SRBD1: variants seen among roughly 807,000 people sequenced by gnomAD.
SRBD1 encodes the protein S1 RNA-binding domain-containing protein 1.
SRBD1 carries 88 observed loss-of-function variants against 115.3 expected under a neutral mutation model. The ratio of observed to expected loss-of-function variants is 0.76; its 90% confidence interval spans 0.64 to 0.91. The LOEUF is 0.91. Among genes scored for constraint, SRBD1 ranks in the 40% least tolerant of loss-of-function variants. The probability of loss-of-function intolerance (pLI) is 0.00; values close to 1 mark genes in which losing one functional copy is unlikely to be tolerated. For missense variants in SRBD1, 1,385 were observed against 1,177.4 expected (o/e 1.18, Z -2.58); for synonymous variants, 509 against 407.7 (o/e 1.25, Z -2.99).
At chr2:45,516,296 G>A (rs190117855) in intron 14 of SRBD1, among the ~76,000 whole-genome samples, 1 of 152,190 alleles carries the variant, frequency 6.6e-6, no homozygotes, top group African/African-American at 2.4e-5. Flanking sequence ...ATAAGCAGCA[G>A]CTGGAGCTGT....
At chr2:45,392,008 T>C (rs1295508347) in intron 20 of SRBD1, among the ~76,000 whole-genome samples, 2 of 152,096 alleles carry the variant, frequency 1.3e-5, no homozygotes, top group East Asian at 3.9e-4. Flanking sequence ...GGCCTCCAAA[T>C]GGAGATGGAT....
intron 16 of SRBD1, among the ~76,000 whole-genome samples, chr2:45,467,960 CAA>C (rs531442975): frequency 7.8e-4 from 119 of 152,150 alleles, no homozygotes; most frequent in African/African-American, 2.8e-3. Context: ...AAATATTTAA[CAA>C]AAGTTACAGA....
chr2:45,460,746 C>G (rs901874834), intron 16 of SRBD1, among the ~76,000 whole-genome samples: 1 of 152,166 alleles, frequency 6.6e-6, no homozygotes, highest in East Asian at 1.9e-4. Context: ...TACATAGTAT[C>G]AAAGATAACT....
intron 14 of SRBD1, among the ~76,000 whole-genome samples, chr2:45,538,291 G>A (rs1248296371): frequency 6.6e-6 from 1 of 152,152 alleles, no homozygotes; most frequent in Non-Finnish European, 1.5e-5. Context: ...GAATGCAACT[G>A]GTCCCACTTC....
At chr2:45,611,043 T>C (rs1282205540) in intron 1 of SRBD1, among the ~76,000 whole-genome samples, 176 bp downstream of exon 1, 1 of 152,052 alleles carries the variant, frequency 6.6e-6, no homozygotes, top group Non-Finnish European at 1.5e-5. Context: ...TTTCGGGTGG[T>C]CGGTTGTGAG....
At chr2:45,450,399 T>G (rs13032444) in intron 16 of SRBD1, among the ~76,000 whole-genome samples, 1 of 152,096 alleles carries the variant, frequency 6.6e-6, no homozygotes, top group African/African-American at 2.4e-5. Flanking sequence ...TATATTTGTA[T>G]AGTACCAAAT....
intron 4 of SRBD1, among the ~76,000 whole-genome samples, chr2:45,594,186 G>GTGT (rs1673817968): frequency 6.6e-6 from 1 of 152,094 alleles, no homozygotes; most frequent in Non-Finnish European, 1.5e-5. Context: ...CAGAAATGTT[G>GTGT]ACCACTTTTT....
intron 10 of SRBD1, among the ~76,000 whole-genome samples, chr2:45,557,102 C>A (rs577232877): frequency 6.6e-6 from 1 of 151,726 alleles, no homozygotes; most frequent in Non-Finnish European, 1.5e-5. Flanking sequence ...TGAAAAAGCA[C>A]GGTAAATTGA....
chr2:45,485,142 TTTTAAACAGACTTTCAACCAA>T (rs1428628968), intron 15 of SRBD1, among the ~76,000 whole-genome samples: 2 of 152,162 alleles, frequency 1.3e-5, no homozygotes, highest in Non-Finnish European at 2.9e-5. Flanking sequence ...TCTCGTTGCT[TTTTAAACAGACTTTCAACCAA>T]TACTTTCATT....
intron 16 of SRBD1, among the ~76,000 whole-genome samples, chr2:45,427,266 T>C (rs1668183493): frequency 6.6e-6 from 1 of 151,374 alleles, no homozygotes; most frequent in African/African-American, 2.4e-5. Context: ...ATCGATCAGG[T>C]GGAAGAAAGG....
chr2:45,610,594 G>C (rs950226348), intron 1 of SRBD1, among the ~76,000 whole-genome samples: 1 of 152,210 alleles, frequency 6.6e-6, no homozygotes, highest in African/African-American at 2.4e-5. Flanking sequence ...TGTCACGTGA[G>C]GGGTTCGAGG....
intron 16 of SRBD1, among the ~76,000 whole-genome samples, chr2:45,462,717 T>C (rs974027698): frequency 4.4e-4 from 67 of 151,136 alleles, no homozygotes; most frequent in Non-Finnish European, 1.2e-4. Context: ...TCCCAGCTAC[T>C]TGGGAGGCTG....
chr2:45,414,783 C>CATAGTGTGTATATAGTATGT (rs1667743918), intron 18 of SRBD1, among the ~76,000 whole-genome samples: 3 of 131,736 alleles, frequency 2.3e-5, no homozygotes, highest in African/African-American at 9.1e-5. Context: ...TGTACACACA[C>CATAGTGTGTATATAGTATGT]ACATAGTGTG....
At chr2:45,589,754 T>C (rs1033457493) in intron 4 of SRBD1, among the ~76,000 whole-genome samples, 4 of 152,224 alleles carry the variant, frequency 2.6e-5, no homozygotes, top group African/African-American at 9.6e-5. Context: ...AATCACCAAA[T>C]GTTTTCTATA....
At chr2:45,562,274 C>A (rs1347567226) in intron 10 of SRBD1, among the ~76,000 whole-genome samples, 6 of 152,162 alleles carry the variant, frequency 3.9e-5, no homozygotes, top group Non-Finnish European at 8.8e-5. Context: ...GTCGCCCAGG[C>A]TGGAGTGCAG....
intron 16 of SRBD1, among the ~76,000 whole-genome samples, chr2:45,420,696 T>C (rs1044698274): frequency 6.6e-6 from 1 of 152,174 alleles, no homozygotes; most frequent in Admixed American, 6.5e-5. Context: ...AAATCATAGG[T>C]GTCAAGGTTT....
chr2:45,599,748 T>G lies in SRBD1; in HGVS notation c.349A>C (p.Lys117Gln), dbSNP rs781145241. The G allele has an allele frequency of 4.3e-6, 7 of 1,614,122 alleles. No individual in the cohort carries two copies. In the Admixed American group the frequency reaches 8.3e-5, roughly 19 times the overall value. ...TGTGGCTGCGCTGCACATTTCTGTT[T>G]TGTCTTGGCTGTTTTCAGAGTCTGT... ...TVQTLKTAKT[K>Q]QKCAAQPHTV... Residue 117 changes from lysine to glutamine, a missense_variant, in exon 4 of 21, where the codon AAA (lysine) becomes CAA (glutamine). Physicochemically the swap from Lys to Gln is moderately conservative, Grantham distance 53. Coordinates refer to ENST00000263736, the MANE Select transcript of SRBD1 (RefSeq NM_018079.5).
At chr2:45,568,896 G>A (rs1424698179) in intron 9 of SRBD1, among the ~76,000 whole-genome samples, 1 of 152,222 alleles carries the variant, frequency 6.6e-6, no homozygotes, top group Non-Finnish European at 1.5e-5. Context: ...TAATAACTAC[G>A]TATGTAAAAT....
At chr2:45,391,275 CCT>C (rs1203453861) in intron 20 of SRBD1, among the ~76,000 whole-genome samples, 46 of 152,120 alleles carry the variant, frequency 3.0e-4, no homozygotes, top group African/African-American at 8.0e-4. Flanking sequence ...ATTTTCAGCC[CCT>C]GTGTCTGGAC....
Sources: gnomAD v4.1 joint callset for allele counts (sites outside exome capture counted in the v4.1 genomes callset) on GRCh38, gnomAD v4.1.1 for gene constraint, MANE v1.5 for transcripts, NCBI Gene and HGNC (gene_info 2026-07-23, HGNC 2026-07-21) for gene names.